RBPJ: variants seen among roughly 807,000 people sequenced by gnomAD.
RBPJ encodes recombining binding protein suppressor of hairless.
In RBPJ, 9 loss-of-function variants were observed where a neutral mutation model predicts 67.8. That is an observed-to-expected ratio of 0.13 (90% CI 0.08 to 0.23). RBPJ has a LOEUF of 0.23. RBPJ is among the 10% of genes least tolerant of loss of function. The pLI is 1.00. For synonymous variants in RBPJ, 198 were observed against 203.3 expected, an observed-to-expected ratio of 0.97 and a Z score of 0.22; for missense variants, 305 against 595.6, an observed-to-expected ratio of 0.51 and a Z score of 5.08.
At chr4:26,378,736 A>G (rs1254554297) in intron 1 of RBPJ, among the ~76,000 whole-genome samples, 1 of 152,200 alleles carries the variant, frequency 6.6e-6, no homozygotes, top group Non-Finnish European at 1.5e-5. Flanking sequence ...TTAAAAATTA[A>G]GTAAATGAGG....
chr4:26,248,070 A>G (rs1175892228), intron 1 of RBPJ, among the ~76,000 whole-genome samples: 3 of 152,158 alleles, frequency 2.0e-5, no homozygotes, highest in Admixed American at 1.3e-4. Context: ...GAGGCGGGGC[A>G]TCATGAGGTC....
At chr4:26,166,657 G>A (rs4692082) in intron 1 of RBPJ, among the ~76,000 whole-genome samples, 145,996 of 151,968 alleles carry the variant, frequency 0.96, 70,204 homozygotes, top group Non-Finnish European at 0.99. Context: ...ATGTTCTCCC[G>A]TTTTGTAGGT....
chr4:26,214,385 AGGG>A (rs1490780926), intron 1 of RBPJ, among the ~76,000 whole-genome samples: 3 of 107,110 alleles, frequency 2.8e-5, no homozygotes, highest in Non-Finnish European at 5.6e-5. Flanking sequence ...GAGAGAAAGA[AGGG>A]GAGGGAGGGA....
chr4:26,313,619 A>G (rs1007633746), intron 1 of RBPJ, among the ~76,000 whole-genome samples: 2 of 152,016 alleles, frequency 1.3e-5, no homozygotes, highest in Non-Finnish European at 2.9e-5. Context: ...GCAGTGAGCC[A>G]AGATCATGCC....
Position 26,311,093 on chromosome 4 carries a change from G to C in RBPJ, c.-166-51353G>C, listed in dbSNP as rs560296043. On this transcript the variant is annotated intron_variant, in intron 1 of 4. Coordinates refer to the RBPJ transcript ENST00000512351. ...ATATTACTATAACAATTGTGTTATA[G>C]CACTGTTCTATGTACTTGAAACAGT... 9.2e-5 allele frequency among the ~76,000 whole-genome samples: 14 copies of C among 152,284 alleles called. No individual in the cohort carries two copies. In the South Asian group the frequency reaches 2.9e-3, roughly 32 times the overall value.
chr4:26,327,893 G>A (rs1031564433), intron 1 of RBPJ, among the ~76,000 whole-genome samples: 9 of 152,174 alleles, frequency 5.9e-5, no homozygotes, highest in Middle Eastern at 3.4e-3. Context: ...GTATGATATT[G>A]TGTTATAGAA....
chr4:26,363,376 G>A (rs1422865809), intron 1 of RBPJ, among the ~76,000 whole-genome samples: 1 of 152,186 alleles, frequency 6.6e-6, no homozygotes, highest in Admixed American at 6.5e-5. Flanking sequence ...CTGACCTCGT[G>A]ATCCACCTGC....
chr4:26,137,317 A>C, the RBPJ span, among the ~76,000 whole-genome samples: 1 of 151,838 alleles, frequency 6.6e-6, no homozygotes. Context: ...GTCCTGACCC[A>C]CCCTCTCATT....
the RBPJ span, among the ~76,000 whole-genome samples, chr4:26,144,507 G>A: frequency 6.6e-6 from 1 of 151,734 alleles, no homozygotes; most frequent in South Asian, 2.1e-4. Flanking sequence ...TGACCTCAGG[G>A]GATCCACCCA....
At chr4:26,307,792 T>C (rs992030002) in intron 1 of RBPJ, among the ~76,000 whole-genome samples, 2 of 152,234 alleles carry the variant, frequency 1.3e-5, no homozygotes, top group South Asian at 4.1e-4. Context: ...TTATTTGTAG[T>C]TAAGATCTTG....
chr4:26,187,500 C>A (rs1179621152), intron 1 of RBPJ, among the ~76,000 whole-genome samples: 1 of 152,012 alleles, frequency 6.6e-6, no homozygotes, highest in Non-Finnish European at 1.5e-5. Context: ...TGGTAGTACA[C>A]AATTGAACAG....
the RBPJ span, among the ~76,000 whole-genome samples, chr4:26,153,234 A>G: frequency 6.6e-6 from 1 of 152,238 alleles, no homozygotes; most frequent in Non-Finnish European, 1.5e-5. Context: ...CTGAATGTAG[A>G]TGCTACTGAG....
Position 26,412,202 on chromosome 4 carries a change from A to G in RBPJ, c.156-3273A>G, listed in dbSNP as rs1415377355. 2.6e-5 allele frequency among the ~76,000 whole-genome samples: 4 copies of G among 152,100 alleles called. No homozygotes were observed. In the East Asian group the frequency reaches 7.7e-4, roughly 29 times the overall value. ...ATATAGGTTGCGCATTCCCAATCCA[A>G]AAATTCGAAGTGCTCCAAAATCTGA... On this transcript the variant is annotated intron_variant, in intron 3 of 10. Coordinates refer to ENST00000355476, the MANE Select transcript of RBPJ (RefSeq NM_015874.6).
At chr4:26,256,290 A>G (rs544666085) in intron 1 of RBPJ, among the ~76,000 whole-genome samples, 1 of 117,772 alleles carries the variant, frequency 8.5e-6, no homozygotes, top group Admixed American at 8.0e-5. Context: ...TGGCTTCTGG[A>G]AAAAAAAAAA....
chr4:26,207,002 C>A (rs982000783), intron 1 of RBPJ, among the ~76,000 whole-genome samples: 1 of 152,152 alleles, frequency 6.6e-6, no homozygotes, highest in Admixed American at 6.5e-5. Flanking sequence ...TGCCCACCTG[C>A]AGAATTCCAT....
At chr4:26,113,850 C>T in the RBPJ span, 2 of 182,746 alleles carry the variant, frequency 1.1e-5, no homozygotes, top group African/African-American at 4.7e-5. Flanking sequence ...ATGTTAGAAG[C>T]CTTCATACAC....
intron 1 of RBPJ, among the ~76,000 whole-genome samples, chr4:26,300,506 A>G (rs1477532548): frequency 6.6e-6 from 1 of 152,256 alleles, no homozygotes; most frequent in African/African-American, 2.4e-5. Context: ...ATGCAGACTT[A>G]AAGCAGCTTA....
chr4:26,136,648 G>T, the RBPJ span, among the ~76,000 whole-genome samples: 10 of 152,158 alleles, frequency 6.6e-5, no homozygotes, highest in African/African-American at 1.4e-4. Context: ...ACACAGAAAA[G>T]AAAAGTTATC....
intron 1 of RBPJ, among the ~76,000 whole-genome samples, chr4:26,311,650 C>T (rs1722430818): frequency 6.6e-6 from 1 of 152,108 alleles, no homozygotes; most frequent in Non-Finnish European, 1.5e-5. Flanking sequence ...CTAGGAACTC[C>T]CAAACTCATC....
Sources: gnomAD v4.1 joint callset for allele counts (sites outside exome capture counted in the v4.1 genomes callset) on GRCh38, gnomAD v4.1.1 for gene constraint, MANE v1.5 for transcripts, NCBI Gene and HGNC (gene_info 2026-07-23, HGNC 2026-07-21) for gene names.